Variants in ULK4 observed in about 807,000 individuals in gnomAD.
The protein encoded by ULK4 is unc-51 like kinase 4.
ULK4 carries 133 observed loss-of-function variants against 160.6 expected under a neutral mutation model. The observed-to-expected ratio is 0.83, with a 90% CI of 0.72 to 0.96. The LOEUF (loss-of-function observed/expected upper bound fraction) is 0.96. ULK4 is among the 40% of genes least tolerant of loss of function. The pLI, the probability that ULK4 is intolerant of heterozygous loss-of-function variation, is 0.00. For missense variants in ULK4, 1,580 were observed against 1,499.5 expected (o/e 1.05, Z -0.89); for synonymous variants, 534 against 539.8 (o/e 0.99, Z 0.15).
chr3:41,373,229 G>A (rs564487034), intron 35 of ULK4, among the ~76,000 whole-genome samples: 11 of 152,194 alleles, frequency 7.2e-5, no homozygotes, highest in African/African-American at 2.2e-4. Context: ...GCAGATCAAC[G>A]AAACAGAAAA....
rs543143240 is a variant in ULK4 at position 41,837,771 on chromosome 3, G to A, written c.1657-1800C>T. 2.6e-4 allele frequency among the ~76,000 whole-genome samples: 40 copies of A among 152,088 alleles called. No homozygotes were observed. In the South Asian group the frequency reaches 5.6e-3, roughly 21 times the overall value. ...AGACTGGGTTTCGCCATGTTGGCCCGGGTAGTTTCGAACTCCTGACTTCAA... is the reference window on the plus strand; with the variant it reads ...AGACTGGGTTTCGCCATGTTGGCCCAGGTAGTTTCGAACTCCTGACTTCAA... On this transcript the variant is annotated intron_variant, in intron 17 of 36. Coordinates refer to ENST00000301831, the MANE Select transcript of ULK4 (RefSeq NM_017886.4).
intron 32 of ULK4, among the ~76,000 whole-genome samples, chr3:41,491,580 G>A (rs1271482159): frequency 6.6e-6 from 1 of 152,020 alleles, no homozygotes; most frequent in Non-Finnish European, 1.5e-5. Flanking sequence ...CATTACTAAT[G>A]AGTAGCCACA....
intron 34 of ULK4, among the ~76,000 whole-genome samples, chr3:41,446,604 T>A (rs1424529425): frequency 6.7e-6 from 1 of 148,478 alleles, no homozygotes; most frequent in African/African-American, 2.5e-5. Flanking sequence ...GAAACCATCA[T>A]TCTCAGCAAA....
intron 5 of ULK4, among the ~76,000 whole-genome samples, chr3:41,929,034 TA>T (rs1040232598): frequency 4.5e-4 from 66 of 145,912 alleles, no homozygotes; most frequent in South Asian, 1.9e-3. Flanking sequence ...ACGGAGATAT[TA>T]AAAAAAAAAA....
intron 35 of ULK4, among the ~76,000 whole-genome samples, chr3:41,368,358 A>AT (rs1234280672): frequency 6.6e-6 from 1 of 152,018 alleles, no homozygotes; most frequent in Non-Finnish European, 1.5e-5. Flanking sequence ...CTGTGTTGTG[A>AT]TTTTTTAAAA....
At chr3:41,289,806 CTTATGTATGTAT>C (rs1262852987) in intron 35 of ULK4, among the ~76,000 whole-genome samples, 3 of 136,848 alleles carry the variant, frequency 2.2e-5, no homozygotes, top group African/African-American at 8.2e-5. Flanking sequence ...ATTAGGTCAA[CTTATGTATGTAT>C]GTATGTATGT....
chr3:41,636,525 C>T (rs968887489), intron 30 of ULK4, among the ~76,000 whole-genome samples: 23 of 149,866 alleles, frequency 1.5e-4, no homozygotes, highest in African/African-American at 5.4e-4. Context: ...CAGAGCAAGA[C>T]TCTGTCTCAA....
intron 32 of ULK4, among the ~76,000 whole-genome samples, chr3:41,501,976 C>G (rs2085225584): frequency 6.6e-6 from 1 of 152,236 alleles, no homozygotes. Context: ...TCTTACTTCA[C>G]TTGGCATAGT....
At chr3:41,863,699 AAC>A (rs1337200294) in intron 17 of ULK4, among the ~76,000 whole-genome samples, 2 of 151,758 alleles carry the variant, frequency 1.3e-5, no homozygotes, top group Admixed American at 1.3e-4. Context: ...CCCTCAAGGT[AAC>A]AGTTTCCCTT....
chr3:41,347,513 T>C (rs2080823584), intron 35 of ULK4, among the ~76,000 whole-genome samples: 1 of 152,146 alleles, frequency 6.6e-6, no homozygotes, highest in Non-Finnish European at 1.5e-5. Flanking sequence ...CTCTTCCCTT[T>C]CATGCATGCA....
chr3:41,402,966 C>T (rs1470679951), intron 34 of ULK4, among the ~76,000 whole-genome samples: 1 of 152,084 alleles, frequency 6.6e-6, no homozygotes, highest in African/African-American at 2.4e-5. Context: ...GCCTGACTAA[C>T]ATGGAGAAAC....
chr3:41,901,069 T>C (rs192696572), intron 12 of ULK4, among the ~76,000 whole-genome samples: 134 of 152,174 alleles, frequency 8.8e-4, no homozygotes, highest in African/African-American at 3.2e-3. Context: ...ACTGAATTGC[T>C]CATGTTACCA....
intron 34 of ULK4, among the ~76,000 whole-genome samples, chr3:41,418,954 C>G (rs184728041): frequency 6.6e-4 from 100 of 152,288 alleles, no homozygotes; most frequent in African/African-American, 2.4e-3. Context: ...GTTCTTTGGA[C>G]AGACAGCCTA....
At chr3:41,540,619 C>T (rs2086664257) in intron 32 of ULK4, among the ~76,000 whole-genome samples, 2 of 152,238 alleles carry the variant, frequency 1.3e-5, no homozygotes, top group South Asian at 4.2e-4. Context: ...CCACACTGTC[C>T]TCCACAATGG....
intron 22 of ULK4, among the ~76,000 whole-genome samples, chr3:41,745,733 G>A (rs553907641): frequency 6.6e-6 from 1 of 151,578 alleles, no homozygotes; most frequent in East Asian, 1.9e-4. Context: ...TATCTCTCAT[G>A]AACTTAAGGG....
At chr3:41,498,893 G>T (rs570831921) in intron 32 of ULK4, among the ~76,000 whole-genome samples, 1 of 152,010 alleles carries the variant, frequency 6.6e-6, no homozygotes, top group African/African-American at 2.4e-5. Flanking sequence ...CTGTCTGGCC[G>T]AGAGTTTCTT....
chr3:41,806,303 T>C (rs957554771), intron 19 of ULK4, among the ~76,000 whole-genome samples: 10 of 152,116 alleles, frequency 6.6e-5, no homozygotes, highest in African/African-American at 2.2e-4. Flanking sequence ...TGATGGTAGT[T>C]TGTATTTCTG....
At chr3:41,714,572 A>G (rs9869282) in intron 25 of ULK4, among the ~76,000 whole-genome samples, 48,420 of 151,966 alleles carry the variant, frequency 0.32, 11,406 homozygotes, top group African/African-American at 0.67. Flanking sequence ...AACTACTACT[A>G]GCAAGGGAAA....
At chr3:41,339,662 A>C (rs1430174888) in intron 35 of ULK4, among the ~76,000 whole-genome samples, 2 of 152,214 alleles carry the variant, frequency 1.3e-5, no homozygotes, top group Admixed American at 6.5e-5. Flanking sequence ...AGGTACGAAC[A>C]AAACAATCTC....
Sources: allele counts gnomAD v4.1 joint callset (sites outside exome capture counted in the v4.1 genomes callset), GRCh38; gene constraint gnomAD v4.1.1; transcripts MANE v1.5; gene names NCBI Gene and HGNC (gene_info 2026-07-23, HGNC 2026-07-21).